Variants in TARBP1 observed in about 807,000 individuals in gnomAD.
TARBP1 encodes tRNA guanosine 2 -O-methyltransferase TARBP1.
In TARBP1, 144 loss-of-function variants were observed where a neutral mutation model predicts 178.6. The ratio of observed to expected loss-of-function variants is 0.81; its 90% CI spans 0.70 to 0.93. The LOEUF is 0.93. Among genes scored for constraint, TARBP1 ranks in the 40% least tolerant of loss-of-function variants. The probability of loss-of-function intolerance (pLI) is 0.00; values close to 1 mark genes in which losing one functional copy is unlikely to be tolerated. For synonymous variants in TARBP1, 787 were observed against 781.0 expected, an observed-to-expected ratio of 1.01 and a Z score of -0.13; for missense variants, 2,067 against 2,011.7, an observed-to-expected ratio of 1.03 and a Z score of -0.53.
intron 23 of TARBP1, among the ~76,000 whole-genome samples, chr1:234,408,535 T>C (rs1201660371): frequency 6.6e-6 from 1 of 152,136 alleles, no homozygotes; most frequent in Non-Finnish European, 1.5e-5. Context: ...GCTACAAGAT[T>C]CTGACCCTCC....
chr1:234,397,073 G>GA (rs1660010320), intron 26 of TARBP1, among the ~76,000 whole-genome samples: 1 of 149,706 alleles, frequency 6.7e-6, no homozygotes, highest in African/African-American at 2.5e-5. Flanking sequence ...ATCGGCTGGG[G>GA]AGAGTCAGAA....
intron 9 of TARBP1, among the ~76,000 whole-genome samples, chr1:234,457,200 G>A (rs946919690): frequency 1.2e-4 from 19 of 152,170 alleles, no homozygotes; most frequent in African/African-American, 4.6e-4. Flanking sequence ...ATGGAGAAGA[G>A]GAAAGATGTT....
In TARBP1 at chr1:234,457,751, T is replaced by C. The variant is rs139757326; in HGVS notation, c.1638A>G (p.Lys546=). The change falls in exon 9 of 30, where the codon AAA becomes AAG. Residue 546 remains lysine, a synonymous_variant. Transcript: ENST00000040877. Reference sequence around the variant, plus strand: ...AAGTTGAGACATCAGAAAGTGACACTTTCTCCTGGGCAGGGCAGGAAAGGT... The same window carrying C: ...AAGTTGAGACATCAGAAAGTGACACCTTCTCCTGGGCAGGGCAGGAAAGGT... ...QTAMNLLDVE[K]VSLSDVSTFL... is the part of the protein sequence containing the mutation. The C allele has an allele frequency of 1.1e-4, 180 of 1,608,014 alleles. No homozygotes were observed. In the Middle Eastern group the frequency reaches 1.3e-3, roughly 12 times the overall value.
intron 25 of TARBP1, among the ~76,000 whole-genome samples, chr1:234,398,991 T>C (rs1484319441): frequency 6.6e-6 from 1 of 152,228 alleles, no homozygotes; most frequent in Non-Finnish European, 1.5e-5. Flanking sequence ...TGAATTCTGG[T>C]TTGACTAATA....
At chr1:234,434,132 G>A (rs1401942751) in intron 13 of TARBP1, among the ~76,000 whole-genome samples, 1 of 152,132 alleles carries the variant, frequency 6.6e-6, no homozygotes, top group African/African-American at 2.4e-5. Flanking sequence ...GCCTTATTGT[G>A]TTAAGATCTC....
At chr1:234,404,976 G>A (rs1328607179) in intron 24 of TARBP1, among the ~76,000 whole-genome samples, 2 of 151,962 alleles carry the variant, frequency 1.3e-5, no homozygotes, top group South Asian at 2.1e-4. Flanking sequence ...AGGTACCCTC[G>A]CCCCAGCCCC....
At chr1:234,459,208 A>C in intron 8 of TARBP1, 22 bp downstream of exon 8, 3 of 1,586,438 alleles carry the variant, frequency 1.9e-6, no homozygotes, top group Non-Finnish European at 2.6e-6. Flanking sequence ...TTGTAAATGG[A>C]AGTAACAAAA....
chr1:234,478,335 G>C lies in TARBP1; in HGVS notation c.769C>G (p.Pro257Ala). Reference protein sequence around the residue: ...DRARGAREAGPDARRCWRFWR... With the variant: ...DRARGAREAGADARRCWRFWR... ...AAGCGCCAGCAGCGCCGGGCGTCCG[G>C]GCCCGCCTCGCGCGCGCCGCGGGCG... Residue 257 changes from proline to alanine, a missense_variant, in exon 1 of 30, where the codon CCG (proline) becomes GCG (alanine). Coordinates refer to ENST00000040877, the MANE Select transcript of TARBP1 (RefSeq NM_005646.4). 1 of 1,293,600 alleles carries C rather than the reference G, an allele frequency of 7.7e-7. No individual in the cohort carries two copies. 80.1% of individuals were successfully genotyped at this position (1,293,600 alleles called of 1,614,324 possible).
chr1:234,433,663 G>A, intron 13 of TARBP1, 92 bp from the exon 14 acceptor site: 1 of 1,234,364 alleles, frequency 8.1e-7, no homozygotes, highest in Non-Finnish European at 1.1e-6. Flanking sequence ...TTTACTTAAA[G>A]GACCACAACA....
Position 234,433,883 on chromosome 1 carries a change from G to A in TARBP1, c.2233-312C>T, listed in dbSNP as rs558163187. Among the ~76,000 whole-genome samples the A allele has an allele frequency of 1.4e-4, 21 of 152,216 alleles. No homozygotes were observed. In the East Asian group the frequency reaches 4.0e-3, roughly 29 times the overall value. ...ATCTACCAATTCTTATGTCCCTAGGGCTAGTACATCATAAATAATAATGAT... is the reference window on the plus strand; with the variant it reads ...ATCTACCAATTCTTATGTCCCTAGGACTAGTACATCATAAATAATAATGAT... On this transcript the variant is annotated intron_variant, in intron 13 of 29. Coordinates refer to ENST00000040877, the MANE Select transcript of TARBP1 (RefSeq NM_005646.4).
intron 13 of TARBP1, among the ~76,000 whole-genome samples, chr1:234,433,783 C>T (rs988587158): frequency 5.9e-5 from 9 of 152,220 alleles, no homozygotes; most frequent in Admixed American, 1.3e-4. Flanking sequence ...GCATTCAGCA[C>T]AATTATGGTG....
chr1:234,477,585 A>C (rs12081549), intron 1 of TARBP1, among the ~76,000 whole-genome samples: 12,726 of 152,276 alleles, frequency 0.084, 994 homozygotes, highest in African/African-American at 0.21. Context: ...GTAGGGAGCA[A>C]AGCTCAAACA....
intron 7 of TARBP1, 27 bp downstream of exon 7, chr1:234,460,234 T>G (rs772990798): frequency 6.3e-7 from 1 of 1,590,812 alleles, no homozygotes; most frequent in Non-Finnish European, 8.5e-7. Flanking sequence ...CAAATAACCA[T>G]ACAAGTACAT....
rs1437080804 is a variant in TARBP1 at position 234,457,724 on chromosome 1, A to G, written c.1665T>C (p.Phe555=). 1.9e-6 allele frequency: 3 copies of G among 1,610,268 alleles called. No homozygotes were observed. Among genetic ancestry groups the G allele is most frequent in the African/African-American group, 2.7e-5 (2 of 74,832 alleles). ...EKVSLSDVST[F]LMSLRQEESL... ...ATTCCTCTTGTCTCAGAGACATGAG[A>G]AAAGTTGAGACATCAGAAAGTGACA... The change falls in exon 9 of 30, where the codon TTT becomes TTC. Residue 555 remains phenylalanine, a synonymous_variant. Transcript: ENST00000040877.
At chr1:234,458,635 C>CT (rs1667533922) in intron 8 of TARBP1, among the ~76,000 whole-genome samples, 1 of 152,206 alleles carries the variant, frequency 6.6e-6, no homozygotes, top group Admixed American at 6.5e-5. Flanking sequence ...TTGCTGACCC[C>CT]TGTAGTAAGC....
At chr1:234,477,793 CAGAT>C (rs1221928504) in intron 1 of TARBP1, among the ~76,000 whole-genome samples, 9 of 152,182 alleles carry the variant, frequency 5.9e-5, no homozygotes, top group Non-Finnish European at 2.9e-5. Context: ...CTGGTCAGTA[CAGAT>C]AAATAACAAA....
Position 234,471,197 on chromosome 1 carries a change from C to T in TARBP1, c.1090G>A (p.Glu364Lys). The T allele has an allele frequency of 1.3e-6, 2 of 1,596,588 alleles. No homozygotes were observed. The highest frequency in any genetic ancestry group is 1.7e-6 in the Non-Finnish European group (2 of 1,175,026). Residue 364 changes from glutamate (E) to lysine (K), a missense_variant, in exon 3 of 30, where the codon GAG (glutamate) becomes AAG (lysine). Glu to Lys is a moderately conservative substitution (Grantham distance 56). Transcript: ENST00000040877. ...LNNLFEYAVS[E>K]ENGCWLFHPS... is the part of the protein sequence containing the mutation. ...TAAAAGTAATCGTTACCATTTTCCTCTGACACCGCATATTCAAACAGATTG... is the reference window on the plus strand; with the variant it reads ...TAAAAGTAATCGTTACCATTTTCCTTTGACACCGCATATTCAAACAGATTG...
intron 11 of TARBP1, among the ~76,000 whole-genome samples, chr1:234,447,974 T>C (rs59949734): frequency 0.12 from 18,412 of 152,148 alleles, 1,489 homozygotes; most frequent in East Asian, 0.32. Flanking sequence ...AAGTCTCACT[T>C]TGTGGTCCAG....
intron 5 of TARBP1, among the ~76,000 whole-genome samples, chr1:234,464,950 A>G (rs1443151911): frequency 1.3e-5 from 2 of 152,218 alleles, no homozygotes; most frequent in East Asian, 1.9e-4. Context: ...GACAGGATGA[A>G]TAACAGCAGC....
Sources: allele counts gnomAD v4.1 joint callset (sites outside exome capture counted in the v4.1 genomes callset), GRCh38; gene constraint gnomAD v4.1.1; transcripts MANE v1.5; gene names NCBI Gene and HGNC (gene_info 2026-07-23, HGNC 2026-07-21).